Variants in KIAA1217 observed in about 807,000 individuals in gnomAD.
The protein encoded by KIAA1217 is sickle tail protein homolog.
Under a neutral mutation model 163.9 loss-of-function variants are expected in KIAA1217, and 88 were observed. The observed-to-expected ratio is 0.54, with a 90% CI of 0.45 to 0.64. The LOEUF is 0.64. Among genes scored for constraint, KIAA1217 ranks in the 30% least tolerant of loss-of-function variants. The pLI is 0.00. For missense variants in KIAA1217, 2,372 were observed against 2,475.0 expected (o/e 0.96, Z 0.88); for synonymous variants, 903 against 923.1 (o/e 0.98, Z 0.39).
intron 2 of KIAA1217, among the ~76,000 whole-genome samples, chr10:24,114,496 C>A (rs916945601): frequency 6.6e-6 from 1 of 152,164 alleles, no homozygotes; most frequent in African/African-American, 2.4e-5. Flanking sequence ...CTATACACAG[C>A]ACTCAACAGA....
At chr10:23,926,944 G>T (rs974484147) in intron 1 of KIAA1217, among the ~76,000 whole-genome samples, 6 of 151,764 alleles carry the variant, frequency 4.0e-5, no homozygotes, top group Admixed American at 2.0e-4. Context: ...GTTTCACTTT[G>T]TTGCCCAGCC....
At chr10:23,735,867 C>A (rs1420013837) in intron 1 of KIAA1217, among the ~76,000 whole-genome samples, 1 of 152,094 alleles carries the variant, frequency 6.6e-6, no homozygotes, top group Admixed American at 6.5e-5. Context: ...AAACAATCAA[C>A]CATCAACATA....
rs1478556517 is a variant in KIAA1217, at chr10:24,392,059, C to A, written c.553+10992C>A. ...GCTTCATCAAAACCAATAAAAATAT[C>A]AAAGAACCATTAAAATAAGAATTAA... is the stretch of plus-strand genomic sequence containing the variant. On this transcript the variant is annotated intron_variant, in intron 3 of 20. Transcript: ENST00000376454. Among the ~76,000 whole-genome samples, 5 of 152,202 alleles carry A rather than the reference C, an allele frequency of 3.3e-5. 1 individual carries two copies. The East Asian group carries it at 9.6e-4, about 29-fold the overall frequency.
At chr10:23,959,459 G>T (rs769298144) in intron 1 of KIAA1217, among the ~76,000 whole-genome samples, 1 of 152,190 alleles carries the variant, frequency 6.6e-6, no homozygotes, top group South Asian at 2.1e-4. Context: ...GGAGTTCAAG[G>T]TTGCAGTGAG....
At chr10:23,753,252 T>C (rs1833742777) in intron 1 of KIAA1217, among the ~76,000 whole-genome samples, 2 of 152,178 alleles carry the variant, frequency 1.3e-5, no homozygotes, top group Admixed American at 1.3e-4. Context: ...TCACCAGCAT[T>C]GCTTAAAGCT....
intron 1 of KIAA1217, among the ~76,000 whole-genome samples, chr10:23,862,128 G>A (rs1799904857): frequency 6.6e-6 from 1 of 152,116 alleles, no homozygotes; most frequent in Admixed American, 6.5e-5. Context: ...ATGCATTTAG[G>A]TGAGTTCATA....
chr10:24,391,093 G>C (rs1465396237), intron 3 of KIAA1217, among the ~76,000 whole-genome samples: 3 of 152,144 alleles, frequency 2.0e-5, no homozygotes, highest in African/African-American at 7.2e-5. Context: ...ATGGACCTGA[G>C]AGATTCTATG....
intron 2 of KIAA1217, among the ~76,000 whole-genome samples, chr10:24,339,143 TC>T (rs2046753645): frequency 6.6e-6 from 1 of 152,176 alleles, no homozygotes; most frequent in Non-Finnish European, 1.5e-5. Flanking sequence ...AAAAATGATC[TC>T]CCCCGTTCTC....
At chr10:23,788,337 T>C (rs1177040027) in intron 1 of KIAA1217, among the ~76,000 whole-genome samples, 2 of 152,248 alleles carry the variant, frequency 1.3e-5, no homozygotes, top group East Asian at 3.9e-4. Context: ...ATGGAATTCA[T>C]AGACCTTTAT....
At chr10:24,372,568 T>A (rs370497549) in intron 2 of KIAA1217, among the ~76,000 whole-genome samples, 16 of 152,018 alleles carry the variant, frequency 1.1e-4, no homozygotes, top group African/African-American at 3.6e-4. Context: ...CGGGATCAAT[T>A]GTACCCCAGA....
In KIAA1217 at chr10:23,874,668, C is replaced by A. The variant is rs953780938; in HGVS notation, c.-320-132557C>A. Among the ~76,000 whole-genome samples, 2 of 151,932 alleles carry A rather than the reference C, an allele frequency of 1.3e-5. 1 individual carries two copies. The highest frequency in any genetic ancestry group is 4.1e-4 in the South Asian group (2 of 4,832). On this transcript the variant is annotated intron_variant, in intron 1 of 18. Transcript: ENST00000376462. Reference sequence around the variant, plus strand: ...CCTGATGCTGGGACCATACCCCAGACCAGTTTATCTAGGAGTGGAGTCCAA... The same window carrying A: ...CCTGATGCTGGGACCATACCCCAGAACAGTTTATCTAGGAGTGGAGTCCAA...
chr10:24,152,946 G>A (rs1269587131), intron 2 of KIAA1217, among the ~76,000 whole-genome samples: 2 of 152,138 alleles, frequency 1.3e-5, no homozygotes, highest in Non-Finnish European at 1.5e-5. Context: ...CTGAAGTTAA[G>A]AATAAATGTA....
rs146802125 is a variant in KIAA1217 at position 24,134,302 on chromosome 10, T to G, written c.-170-85324T>G. 3.4e-3 allele frequency among the ~76,000 whole-genome samples: 518 copies of G among 152,286 alleles called. 2 individuals are homozygous for G. The highest frequency in any genetic ancestry group is 0.012 in the African/African-American group (496 of 41,548). On this transcript the variant is annotated intron_variant, in intron 2 of 18. Coordinates refer to the KIAA1217 transcript ENST00000376462. The stretch of plus-strand genomic sequence containing the variant: ...AAAAAGGTAAGGAGACAGAAAAACA[T>G]AGCAGATGCAGGTAGGAGAGCAATT...
At chr10:23,836,515 CTTTTT>C (rs58429186) in intron 1 of KIAA1217, among the ~76,000 whole-genome samples, 1 of 138,190 alleles carries the variant, frequency 7.2e-6, no homozygotes, top group Admixed American at 7.3e-5. Context: ...TCCAGAACTG[CTTTTT>C]TTTTTTTTTT....
chr10:23,910,637 T>C (rs1842394365), intron 1 of KIAA1217, among the ~76,000 whole-genome samples: 1 of 152,114 alleles, frequency 6.6e-6, no homozygotes, highest in Non-Finnish European at 1.5e-5. Context: ...GAAACTCAAG[T>C]TGTGATGAAT....
chr10:23,790,366 C>CAT lies in KIAA1217; in HGVS notation c.-321+95136_-321+95137dup, dbSNP rs1378618064. On this transcript the variant is annotated intron_variant, in intron 1 of 18. Coordinates refer to the KIAA1217 transcript ENST00000376462. ...ATACATATGCATATATGCATATATA[C>CAT]ATATACATATGTATATATACATATG... Among the ~76,000 whole-genome samples, 17 of 95,142 alleles carry CAT rather than the reference C, an allele frequency of 1.8e-4. 3 individuals carry two copies. The highest frequency in any genetic ancestry group is 2.7e-4 in the Non-Finnish European group (14 of 52,022). 62.4% of individuals were successfully genotyped at this position (95,142 alleles called of 152,430 possible).
intron 1 of KIAA1217, among the ~76,000 whole-genome samples, chr10:23,949,155 G>A (rs137882702): frequency 4.7e-4 from 72 of 152,296 alleles, no homozygotes; most frequent in African/African-American, 1.6e-3. Flanking sequence ...CTCCCATGAA[G>A]TCTTCTTCAA....
At chr10:24,342,129 T>C in intron 2 of KIAA1217, among the ~76,000 whole-genome samples, 1 of 152,244 alleles carries the variant, frequency 6.6e-6, no homozygotes, top group East Asian at 1.9e-4. Context: ...GGGAGCTCTG[T>C]GTACAAATAC....
chr10:24,170,726 T>G (rs2065588974), intron 2 of KIAA1217, among the ~76,000 whole-genome samples: 3 of 152,208 alleles, frequency 2.0e-5, no homozygotes, highest in African/African-American at 7.2e-5. Context: ...TATTCCGAGT[T>G]GACTAGAAGT....
Sources: gnomAD v4.1 joint callset for allele counts (sites outside exome capture counted in the v4.1 genomes callset) on GRCh38, gnomAD v4.1.1 for gene constraint, MANE v1.5 for transcripts, NCBI Gene and HGNC (gene_info 2026-07-23, HGNC 2026-07-21) for gene names.